Variants in KIAA0825 observed in about 807,000 individuals in gnomAD.
KIAA0825 encodes the protein KIAA0825, also known as uncharacterized protein KIAA0825.
In KIAA0825, 119 loss-of-function variants were observed where a neutral mutation model predicts 147.6. The ratio of observed to expected loss-of-function variants is 0.81; its 90% CI spans 0.69 to 0.94. The LOEUF (loss-of-function observed/expected upper bound fraction) is 0.94. Among genes scored for constraint, KIAA0825 ranks in the 40% least tolerant of loss-of-function variants. The pLI is 0.00. For missense variants in KIAA0825, 1,381 were observed against 1,472.7 expected (o/e 0.94, Z 1.02); for synonymous variants, 470 against 518.1 (o/e 0.91, Z 1.26).
Position 94,387,812 on chromosome 5 carries a change from G to T in KIAA0825, c.3457-1408C>A, listed in dbSNP as rs575536341. On this transcript the variant is annotated intron_variant, in intron 18 of 20. Coordinates refer to ENST00000682413, the MANE Select transcript of KIAA0825 (RefSeq NM_001145678.3). The stretch of plus-strand genomic sequence containing the variant: ...CAGAGGACAATCCTGAGATCACACA[G>T]GTGTGAGAGGTAAAGCTGTGGGGAG... Among the ~76,000 whole-genome samples, 11 of 152,302 alleles carry T rather than the reference G, an allele frequency of 7.2e-5. No individual in the cohort carries two copies. The South Asian group carries it at 8.3e-4, about 11-fold the overall frequency.
At position 94,376,255 on chromosome 5, in the gene KIAA0825, C is replaced by A. The variant is rs536879768; in HGVS notation, c.3710+8113G>T. On this transcript the variant is annotated intron_variant, in intron 20 of 20. Transcript: ENST00000682413. ...TAAAAAATTGACCAGAAGTATGGTA[C>A]ATATTAATAGATAAAGTACCAGATA... 2.0e-5 allele frequency among the ~76,000 whole-genome samples: 3 copies of A among 152,166 alleles called. No homozygotes were observed. The East Asian group carries it at 5.8e-4, about 29-fold the overall frequency.
At position 94,498,020 on chromosome 5, in the gene KIAA0825, T is replaced by C. The variant is rs1764587063; in HGVS notation, c.971-13090A>G. Among the ~76,000 whole-genome samples the C allele has an allele frequency of 2.0e-5, 3 of 152,204 alleles. No individual in the cohort carries two copies. In the South Asian group the frequency reaches 6.2e-4, roughly 32 times the overall value. ...AGGCAGTGGGGTGGGGGAAATATTC[T>C]TCTAGGTGGTTTCTTTATATCCTTC... On this transcript the variant is annotated intron_variant, in intron 5 of 20. Coordinates refer to ENST00000682413, the MANE Select transcript of KIAA0825 (RefSeq NM_001145678.3).
chr5:94,530,055 G>C (rs1400026662), intron 3 of KIAA0825, among the ~76,000 whole-genome samples: 1 of 152,022 alleles, frequency 6.6e-6, no homozygotes, highest in Non-Finnish European at 1.5e-5. Flanking sequence ...TGAATCACCT[G>C]AGGTCAGGGG....
At position 94,610,061 on chromosome 5, in the gene KIAA0825, T is replaced by C. The variant is rs1788401409; in HGVS notation, c.-153+8439A>G. On this transcript the variant is annotated intron_variant, in intron 1 of 20. Transcript: ENST00000682413. ...TTGTTATGTGATTATACACAAAACT[T>C]GCATTTTTAAAATGAAAAATATTTG... Among the ~76,000 whole-genome samples the C allele has an allele frequency of 4.6e-5, 7 of 152,306 alleles. No homozygotes were observed. The South Asian group carries it at 1.4e-3, about 32-fold the overall frequency.
rs1003201107 is a variant in KIAA0825, at chr5:94,152,027, A to G, written c.*1980T>C. ...ATAAAATTTTCCTACCATTTTCTAA[A>G]TGGTCTTCATAGAATTTTTAGAAAT... On this transcript the variant is annotated 3_prime_UTR_variant, in exon 21 of 21. Coordinates refer to ENST00000682413, the MANE Select transcript of KIAA0825 (RefSeq NM_001145678.3). Among the ~76,000 whole-genome samples, 12 of 152,200 alleles carry G rather than the reference A, an allele frequency of 7.9e-5. No homozygotes were observed. Among genetic ancestry groups the G allele is most frequent in the Non-Finnish European group, 1.8e-4 (12 of 68,024 alleles).
intron 2 of KIAA0825, among the ~76,000 whole-genome samples, chr5:94,581,896 G>A (rs578073173): frequency 8.2e-4 from 125 of 152,074 alleles, no homozygotes; most frequent in Non-Finnish European, 1.4e-3. Context: ...TAAATTATTC[G>A]TCTTTTCCCT....
At chr5:94,276,117 A>T (rs1274929301) in intron 20 of KIAA0825, among the ~76,000 whole-genome samples, 1 of 152,156 alleles carries the variant, frequency 6.6e-6, no homozygotes, top group Admixed American at 6.6e-5. Context: ...CACACCAGGA[A>T]AAGTGAAATA....
chr5:94,278,614 T>A (rs1339273746), intron 20 of KIAA0825, among the ~76,000 whole-genome samples: 12 of 152,104 alleles, frequency 7.9e-5, no homozygotes, highest in Admixed American at 6.6e-4. Context: ...AGTTCAGAGC[T>A]CCATCAGTGT....
intron 20 of KIAA0825, among the ~76,000 whole-genome samples, chr5:94,275,427 A>G (rs1414276845): frequency 6.6e-6 from 1 of 152,196 alleles, no homozygotes; most frequent in Non-Finnish European, 1.5e-5. Flanking sequence ...TAAACTTTAG[A>G]TAGCCTATAT....
In KIAA0825 at chr5:94,234,412, A is replaced by T. The variant is rs186082418; in HGVS notation, c.3711-80288T>A. Among the ~76,000 whole-genome samples the T allele has an allele frequency of 3.9e-5, 6 of 151,982 alleles. No homozygotes were observed. The East Asian group carries it at 9.6e-4, about 24-fold the overall frequency. On this transcript the variant is annotated intron_variant, in intron 20 of 20. Coordinates refer to ENST00000682413, the MANE Select transcript of KIAA0825 (RefSeq NM_001145678.3). ...AAAAATAAAAATAAAAAAATAAAAA[A>T]AAAATATGTATTAAAGTGATCTATG...
rs550841221 is a variant in KIAA0825 at position 94,594,726 on chromosome 5, C to G, written c.-152-12143G>C. On this transcript the variant is annotated intron_variant, in intron 1 of 20. Coordinates refer to ENST00000682413, the MANE Select transcript of KIAA0825 (RefSeq NM_001145678.3). ...TTGGTTTGAATGGAACTCTATGGCACTGTCAACAAAGGATGCTTGGATGGA... is the reference window on the plus strand; with the variant it reads ...TTGGTTTGAATGGAACTCTATGGCAGTGTCAACAAAGGATGCTTGGATGGA... 3.6e-5 allele frequency: 23 copies of G among 633,778 alleles called. No homozygotes were observed. In the African/African-American group the frequency reaches 4.2e-4, roughly 12 times the overall value. The allele number at this position is 633,778 out of a possible 1,614,324, so 39.3% of individuals were successfully genotyped here.
intron 13 of KIAA0825, among the ~76,000 whole-genome samples, chr5:94,448,536 G>A (rs1336529008): frequency 6.6e-6 from 1 of 152,060 alleles, no homozygotes; most frequent in Non-Finnish European, 1.5e-5. Flanking sequence ...CTGAAACAAT[G>A]TGCAGGTACA....
At chr5:94,421,605 T>G (rs943908275) in intron 14 of KIAA0825, among the ~76,000 whole-genome samples, 2 of 152,280 alleles carry the variant, frequency 1.3e-5, no homozygotes, top group East Asian at 1.9e-4. Context: ...AATGCTCATT[T>G]TTTCCCCCAA....
intron 1 of KIAA0825, among the ~76,000 whole-genome samples, chr5:94,597,217 C>T (rs1001112872): frequency 6.6e-6 from 1 of 151,936 alleles, no homozygotes; most frequent in East Asian, 1.9e-4. Context: ...TGAGAATACA[C>T]ATTTTTGGGC....
At chr5:94,534,217 T>C (rs942346634) in intron 3 of KIAA0825, among the ~76,000 whole-genome samples, 1 of 152,204 alleles carries the variant, frequency 6.6e-6, no homozygotes, top group Non-Finnish European at 1.5e-5. Context: ...GTAATTCAAC[T>C]ACTGCAGTGT....
At chr5:94,176,267 T>C (rs1769091140) in intron 20 of KIAA0825, among the ~76,000 whole-genome samples, 1 of 152,154 alleles carries the variant, frequency 6.6e-6, no homozygotes, top group Non-Finnish European at 1.5e-5. Context: ...TCTTGCTTGC[T>C]CTCTCACCAT....
intron 20 of KIAA0825, among the ~76,000 whole-genome samples, chr5:94,255,667 AG>A (rs1479789514): frequency 1.4e-5 from 2 of 140,250 alleles, no homozygotes; most frequent in East Asian, 4.8e-4. Flanking sequence ...AACCTTGTTT[AG>A]GAGAAAATTG....
intron 2 of KIAA0825, among the ~76,000 whole-genome samples, chr5:94,565,369 A>G (rs894188009): frequency 4.7e-5 from 7 of 149,420 alleles, no homozygotes; most frequent in Admixed American, 4.6e-4. Context: ...TTGAGACAGA[A>G]TCTCCTTTTG....
intron 5 of KIAA0825, among the ~76,000 whole-genome samples, chr5:94,495,228 G>C (rs966807899): frequency 6.6e-6 from 1 of 152,170 alleles, no homozygotes; most frequent in Non-Finnish European, 1.5e-5. Flanking sequence ...AGTAGGGCAG[G>C]CCTGAGAGGT....
Sources: gnomAD v4.1 joint callset for allele counts (sites outside exome capture counted in the v4.1 genomes callset) on GRCh38, gnomAD v4.1.1 for gene constraint, MANE v1.5 for transcripts, NCBI Gene and HGNC (gene_info 2026-07-23, HGNC 2026-07-21) for gene names.